ADAM2: variants seen among roughly 807,000 people sequenced by gnomAD.
The protein encoded by ADAM2 is disintegrin and metalloproteinase domain-containing protein 2.
Under a neutral mutation model 99.3 loss-of-function variants are expected in ADAM2, and 101 were observed. The ratio of observed to expected loss-of-function variants is 1.02; its 90% CI spans 0.87 to 1.20. The LOEUF is 1.20. Among genes scored for constraint, ADAM2 ranks in the 50% most tolerant of loss-of-function variants. ADAM2 has a pLI of 0.00. For missense variants in ADAM2, 948 were observed against 878.7 expected (o/e 1.08, Z -1.00); for synonymous variants, 323 against 287.6 (o/e 1.12, Z -1.25).
chr8:39,804,640 A>G (rs1281011945), intron 7 of ADAM2, among the ~76,000 whole-genome samples: 7 of 152,208 alleles, frequency 4.6e-5, no homozygotes, highest in Non-Finnish European at 4.4e-5. Flanking sequence ...ATTAAAAAGT[A>G]AAGACACTGG....
At chr8:39,798,311 C>T (rs891042792) in intron 7 of ADAM2, among the ~76,000 whole-genome samples, 1 of 152,036 alleles carries the variant, frequency 6.6e-6, no homozygotes, top group Non-Finnish European at 1.5e-5. Context: ...TGGTTTTTGT[C>T]TTTGGTTCTG....
intron 7 of ADAM2, among the ~76,000 whole-genome samples, chr8:39,806,704 G>A (rs564763257): frequency 6.6e-6 from 1 of 152,032 alleles, no homozygotes. Flanking sequence ...AAATGATAGA[G>A]AAACTGTAAA....
At chr8:39,820,973 C>A in intron 6 of ADAM2, 29 bp downstream of exon 6, 1 of 1,450,438 alleles carries the variant, frequency 6.9e-7, no homozygotes, top group Non-Finnish European at 9.4e-7. Context: ...ATAGTAATAA[C>A]CATAGAGTTT....
At chr8:39,835,983 G>T (rs535631252) in intron 2 of ADAM2, among the ~76,000 whole-genome samples, 3 of 151,908 alleles carry the variant, frequency 2.0e-5, no homozygotes, top group African/African-American at 7.3e-5. Context: ...TGGTGGTGGT[G>T]CTTTGTTTTG....
chr8:39,825,932 G>A (rs1805380062), intron 3 of ADAM2, among the ~76,000 whole-genome samples: 1 of 152,136 alleles, frequency 6.6e-6, no homozygotes, highest in Admixed American at 6.5e-5. Flanking sequence ...AATGTCATTA[G>A]AATTTTGAGA....
At chr8:39,799,372 T>A (rs1262047051) in intron 7 of ADAM2, among the ~76,000 whole-genome samples, 1 of 152,184 alleles carries the variant, frequency 6.6e-6, no homozygotes, top group South Asian at 2.1e-4. Context: ...TAATCCTGGG[T>A]TCTAATTTGA....
At position 39,824,897 on chromosome 8, in the gene ADAM2, T is replaced by G; in HGVS notation, c.189A>C (p.Lys63Asn). Residue 63 changes from lysine to asparagine, a missense_variant and splice_region_variant, in exon 4 of 21, where the codon AAA becomes AAC. By Grantham distance (94) the Lys-to-Asn change is moderately conservative. Transcript: ENST00000265708. ...CTCTAAAATTATGGGGTAAAAAGTT[T>G]CTGTAACATAAAGATAAAATGGAAA... Reference protein sequence around the residue: ...GKPYTVNLMQKNFLPHNFRVY... With the variant: ...GKPYTVNLMQNNFLPHNFRVY... 7.2e-7 allele frequency: 1 copy of G among 1,384,832 alleles called. No homozygotes were observed. The highest frequency in any genetic ancestry group is 1.4e-5 in the African/African-American group (1 of 69,368). 85.8% of individuals were successfully genotyped at this position (1,384,832 alleles called of 1,614,324 possible).
chr8:39,821,662 T>C lies in ADAM2; in HGVS notation c.268A>G (p.Asn90Asp). Residue 90 changes from asparagine (N) to aspartate (D), a missense_variant and splice_region_variant, in exon 5 of 21, where the codon AAT becomes GAT. Coordinates refer to ENST00000265708, the MANE Select transcript of ADAM2 (RefSeq NM_001464.5). ...IMKPLDQDFQNFCHYQGYIEG... is the reference protein window; with the variant it reads ...IMKPLDQDFQDFCHYQGYIEG... ...ATATACCCTTGGTAGTGGCAGAAAT[T>C]CTGAAAGATAAAATACACATATCTC... 6.3e-7 allele frequency: 1 copy of C among 1,593,736 alleles called. No homozygotes were observed. Among genetic ancestry groups the C allele is most frequent in the Non-Finnish European group, 8.6e-7 (1 of 1,162,492 alleles).
intron 20 of ADAM2, among the ~76,000 whole-genome samples, chr8:39,744,265 T>A (rs1823354422): frequency 6.6e-6 from 1 of 152,154 alleles, no homozygotes; most frequent in Non-Finnish European, 1.5e-5. Flanking sequence ...AATAAATTTT[T>A]AAGTGGAAAA....
chr8:39,836,560 C>A (rs1805832355), intron 2 of ADAM2, among the ~76,000 whole-genome samples: 1 of 151,610 alleles, frequency 6.6e-6, no homozygotes, highest in African/African-American at 2.4e-5. Flanking sequence ...ATTGATGTCT[C>A]AAGAAACCAC....
intron 6 of ADAM2, among the ~76,000 whole-genome samples, chr8:39,811,449 C>A (rs1176752959): frequency 6.6e-6 from 1 of 152,164 alleles, no homozygotes; most frequent in Non-Finnish European, 1.5e-5. Context: ...CATCCTGATA[C>A]CAAAGCCTGG....
chr8:39,836,402 A>G (rs1185864873), intron 2 of ADAM2, among the ~76,000 whole-genome samples: 1 of 152,138 alleles, frequency 6.6e-6, no homozygotes, highest in Admixed American at 6.5e-5. Context: ...TGTTTTAGTA[A>G]TAGATATATA....
Position 39,786,470 on chromosome 8 carries a change from C to T in ADAM2, c.891+504G>A, listed in dbSNP as rs770856849. Among the ~76,000 whole-genome samples the T allele has an allele frequency of 3.8e-4, 58 of 151,994 alleles. 1 individual carries two copies. Among genetic ancestry groups the T allele is most frequent in the South Asian group, 2.1e-3 (10 of 4,814 alleles). ...GAATAGTGATAGTATTATGAAATAA[C>T]GGCAAAAATATATCAGTTTTGAATA... is the stretch of plus-strand genomic sequence containing the variant. On this transcript the variant is annotated intron_variant, in intron 10 of 20. Coordinates refer to ENST00000265708, the MANE Select transcript of ADAM2 (RefSeq NM_001464.5).
chr8:39,802,440 C>T (rs1373182084), intron 7 of ADAM2, among the ~76,000 whole-genome samples: 2 of 152,176 alleles, frequency 1.3e-5, no homozygotes, highest in East Asian at 3.9e-4. Flanking sequence ...CCCCCCACCT[C>T]ATTATTAGAT....
chr8:39,822,133 A>G (rs1461257349), intron 4 of ADAM2, among the ~76,000 whole-genome samples: 2 of 152,118 alleles, frequency 1.3e-5, no homozygotes, highest in Admixed American at 6.5e-5. Context: ...GACTCAATAC[A>G]CTGTATTTCT....
Position 39,788,205 on chromosome 8 carries a change from AG to A in ADAM2, c.688del (p.Leu230PhefsTer3). Reference protein sequence around the residue: ...NITIILSSLELWIDENKIATT... With the variant: ...NITIILSSLEXWIDENKIATT... The stretch of plus-strand genomic sequence containing the variant: ...TGCAATTTTATTTTCATCTATCCAA[AG>A]CTCCAATGAAGACAGAATAATTGTA... On this transcript the variant is annotated frameshift_variant, in exon 9 of 21. Coordinates refer to ENST00000265708, the MANE Select transcript of ADAM2 (RefSeq NM_001464.5). LOFTEE classifies it high-confidence loss of function. 2 of 1,572,458 alleles carry A rather than the reference AG, an allele frequency of 1.3e-6. No homozygotes were observed. The highest frequency in any genetic ancestry group is 1.7e-6 in the Non-Finnish European group (2 of 1,152,842).
chr8:39,785,961 A>G (rs1158049549), intron 10 of ADAM2, among the ~76,000 whole-genome samples: 1 of 152,200 alleles, frequency 6.6e-6, no homozygotes, highest in Non-Finnish European at 1.5e-5. Context: ...ATACATATAA[A>G]CCATGGAATA....
intron 7 of ADAM2, among the ~76,000 whole-genome samples, chr8:39,806,338 C>T (rs1028962740): frequency 5.9e-5 from 9 of 151,668 alleles, no homozygotes; most frequent in East Asian, 1.9e-4. Flanking sequence ...TCCAGCAAAG[C>T]GCTAAACAAA....
chr8:39,771,418 G>T (rs977044192), intron 11 of ADAM2, among the ~76,000 whole-genome samples: 1 of 152,092 alleles, frequency 6.6e-6, no homozygotes, highest in African/African-American at 2.4e-5. Context: ...TTTTAAAGGA[G>T]TGCACTATTG....
Sources: gnomAD v4.1 joint callset for allele counts (sites outside exome capture counted in the v4.1 genomes callset) on GRCh38, gnomAD v4.1.1 for gene constraint, MANE v1.5 for transcripts, NCBI Gene and HGNC (gene_info 2026-07-23, HGNC 2026-07-21) for gene names.